Variants in CLSTN2 observed in about 807,000 individuals in gnomAD.
The protein encoded by CLSTN2 is calsyntenin 2.
CLSTN2 carries 48 observed loss-of-function variants against 101.2 expected under a neutral mutation model. That is an observed-to-expected ratio of 0.47 (90% confidence interval 0.38 to 0.60). The LOEUF is 0.60. Ranked by LOEUF, CLSTN2 falls within the 20% of genes least tolerant of loss-of-function variation. The probability of loss-of-function intolerance (pLI) is 0.00; values close to 1 mark genes in which losing one functional copy is unlikely to be tolerated. For missense variants in CLSTN2, 1,160 were observed against 1,238.2 expected (o/e 0.94, Z 0.95); for synonymous variants, 481 against 463.6 (o/e 1.04, Z -0.48).
At chr3:140,511,985 AT>A (rs927328964) in intron 8 of CLSTN2, among the ~76,000 whole-genome samples, 107 of 146,510 alleles carry the variant, frequency 7.3e-4, no homozygotes, top group Admixed American at 1.2e-3. Context: ...TTTTAATGTG[AT>A]TTTTTTTTTC....
At chr3:140,370,347 G>C (rs1265140821) in intron 2 of CLSTN2, among the ~76,000 whole-genome samples, 1 of 152,240 alleles carries the variant, frequency 6.6e-6, no homozygotes, top group African/African-American at 2.4e-5. Context: ...GTACAGTCCA[G>C]GATGGAAAGC....
At chr3:140,518,569 G>A (rs1934964859) in intron 8 of CLSTN2, among the ~76,000 whole-genome samples, 2 of 152,148 alleles carry the variant, frequency 1.3e-5, no homozygotes, top group African/African-American at 4.8e-5. Flanking sequence ...CTGGTGATCT[G>A]GACATTCAGG....
chr3:139,936,843 C>A (rs577758699), intron 1 of CLSTN2, among the ~76,000 whole-genome samples: 39 of 150,042 alleles, frequency 2.6e-4, no homozygotes, highest in African/African-American at 9.5e-4. Flanking sequence ...TATAAGCAGG[C>A]ATTCTGTTTC....
intron 2 of CLSTN2, among the ~76,000 whole-genome samples, chr3:140,265,641 G>T (rs894261200): frequency 6.6e-6 from 1 of 152,166 alleles, no homozygotes; most frequent in African/African-American, 2.4e-5. Context: ...TCCTGCTGTT[G>T]ATATGAAATA....
intron 2 of CLSTN2, among the ~76,000 whole-genome samples, chr3:140,263,160 A>T (rs1000497239): frequency 6.6e-6 from 1 of 152,052 alleles, no homozygotes; most frequent in African/African-American, 2.4e-5. Context: ...GAAGAAAAAG[A>T]AGGGGTTATT....
chr3:140,034,085 C>A (rs543809915), intron 1 of CLSTN2, among the ~76,000 whole-genome samples: 25 of 152,264 alleles, frequency 1.6e-4, no homozygotes, highest in African/African-American at 5.8e-4. Context: ...CATTTCTATG[C>A]TCTGGTGGAA....
intron 2 of CLSTN2, among the ~76,000 whole-genome samples, chr3:140,353,906 A>T (rs1228216383): frequency 6.6e-6 from 1 of 152,204 alleles, no homozygotes; most frequent in Non-Finnish European, 1.5e-5. Context: ...GGACAACGCC[A>T]AAATGCTGAG....
intron 1 of CLSTN2, among the ~76,000 whole-genome samples, chr3:139,965,861 C>A (rs139112121): frequency 1.3e-5 from 2 of 152,210 alleles, no homozygotes; most frequent in African/African-American, 2.4e-5. Context: ...TTTTCCCCAA[C>A]AAACCAGTGA....
intron 2 of CLSTN2, among the ~76,000 whole-genome samples, chr3:140,344,259 G>C (rs2087519598): frequency 6.6e-6 from 1 of 152,170 alleles, no homozygotes; most frequent in African/African-American, 2.4e-5. Flanking sequence ...AGCTCATTGT[G>C]CTGTGCCTGG....
chr3:140,322,701 CACA>C (rs2087295560), intron 2 of CLSTN2, among the ~76,000 whole-genome samples: 1 of 152,206 alleles, frequency 6.6e-6, no homozygotes. Flanking sequence ...TTTAGACTCA[CACA>C]ACAACTGGAA....
intron 8 of CLSTN2, among the ~76,000 whole-genome samples, chr3:140,529,274 A>G (rs758889142): frequency 2.6e-5 from 4 of 152,142 alleles, no homozygotes; most frequent in Non-Finnish European, 5.9e-5. Context: ...CTTACCAGCT[A>G]TGCTGCAGCT....
At chr3:140,201,072 G>A (rs757001851) in intron 2 of CLSTN2, among the ~76,000 whole-genome samples, 1 of 152,170 alleles carries the variant, frequency 6.6e-6, no homozygotes, top group Non-Finnish European at 1.5e-5. Flanking sequence ...TGAGCATAAA[G>A]CCCTATACTT....
At chr3:140,030,685 G>A (rs1466829703) in intron 1 of CLSTN2, among the ~76,000 whole-genome samples, 1 of 152,130 alleles carries the variant, frequency 6.6e-6, no homozygotes, top group Non-Finnish European at 1.5e-5. Flanking sequence ...ACCCCTCTGT[G>A]GTCCCTTATC....
At chr3:140,268,157 A>G (rs905121031) in intron 2 of CLSTN2, among the ~76,000 whole-genome samples, 3 of 152,144 alleles carry the variant, frequency 2.0e-5, no homozygotes, top group African/African-American at 7.2e-5. Context: ...TAGTAGTCTC[A>G]TAAGTGCACA....
chr3:140,269,743 C>G (rs937806248), intron 2 of CLSTN2, among the ~76,000 whole-genome samples: 4 of 152,182 alleles, frequency 2.6e-5, no homozygotes, highest in Non-Finnish European at 4.4e-5. Context: ...TAAACTGCAC[C>G]TACAGGGTAC....
chr3:139,960,370 A>C (rs982941697), intron 1 of CLSTN2, among the ~76,000 whole-genome samples: 1 of 152,086 alleles, frequency 6.6e-6, no homozygotes, highest in Admixed American at 6.5e-5. Context: ...TCTCCTCACT[A>C]TATTCTCTGT....
intron 2 of CLSTN2, among the ~76,000 whole-genome samples, chr3:140,190,900 G>A (rs971311051): frequency 5.3e-5 from 8 of 151,934 alleles, no homozygotes; most frequent in African/African-American, 1.9e-4. Flanking sequence ...GATCCTTTGG[G>A]TTTTATTTCC....
At chr3:139,957,895 C>A (rs1935440166) in intron 1 of CLSTN2, among the ~76,000 whole-genome samples, 1 of 152,196 alleles carries the variant, frequency 6.6e-6, no homozygotes. Flanking sequence ...TGGGCACTCA[C>A]AGTCTCAGAA....
In CLSTN2 at chr3:140,098,020, G is replaced by A. The variant is rs141306026; in HGVS notation, c.110-77931G>A. ...ATTGGACAGAGTATTCCTGAAAACA[G>A]CATTGGGGAGATAATACAAGCTGAA... On this transcript the variant is annotated intron_variant, in intron 1 of 16. Coordinates refer to ENST00000458420, the MANE Select transcript of CLSTN2 (RefSeq NM_022131.3). Among the ~76,000 whole-genome samples the A allele has an allele frequency of 4.0e-3, 602 of 152,252 alleles. 1 individual carries two copies. Among genetic ancestry groups the A allele is most frequent in the African/African-American group, 0.014 (578 of 41,536 alleles).
Sources: gnomAD v4.1 joint callset for allele counts (sites outside exome capture counted in the v4.1 genomes callset) on GRCh38, gnomAD v4.1.1 for gene constraint, MANE v1.5 for transcripts, NCBI Gene and HGNC (gene_info 2026-07-23, HGNC 2026-07-21) for gene names.